The following NEURL1B variants were observed in gnomAD, a reference collection of about 807,000 sequenced individuals.
NEURL1B encodes the protein E3 ubiquitin-protein ligase NEURL1B.
NEURL1B carries 13 observed loss-of-function variants against 37.4 expected under a neutral mutation model. The ratio of observed to expected loss-of-function variants is 0.35; its 90% CI spans 0.23 to 0.55. The LOEUF (loss-of-function observed/expected upper bound fraction) is 0.55. NEURL1B is among the 20% of genes least tolerant of loss of function. The pLI is 0.89. For missense variants in NEURL1B, 790 were observed against 879.2 expected, an observed-to-expected ratio of 0.90 and a Z score of 1.28; for synonymous variants, 432 against 426.6, an observed-to-expected ratio of 1.01 and a Z score of -0.16.
chr5:172,686,824 C>T lies in NEURL1B; in HGVS notation c.1567C>T (p.Leu523=), dbSNP rs1032651937. 1.1e-5 allele frequency: 17 copies of T among 1,551,656 alleles called. No individual in the cohort carries two copies. In the African/African-American group the frequency reaches 1.8e-4, roughly 16 times the overall value. The change falls in exon 5 of 5, where the codon CTG becomes TTG. Residue 523 remains leucine (L), a synonymous_variant. Coordinates refer to ENST00000369800, the MANE Select transcript of NEURL1B (RefSeq NM_001142651.3). The surrounding 1 kb of genome is among the most constrained non-coding windows in gnomAD (Gnocchi z 7.9). ...CATCTACACGTGTGGACACATGTGC[C>T]TGTGCCACAGCTGCGGCCTGCGGCT... is the stretch of plus-strand genomic sequence containing the variant. The part of the protein sequence containing the change: ...TVIYTCGHMC[L]CHSCGLRLKR...
At chr5:172,681,687 T>A (rs1758356573) in intron 2 of NEURL1B, among the ~76,000 whole-genome samples, 1 of 152,226 alleles carries the variant, frequency 6.6e-6, no homozygotes, top group South Asian at 2.1e-4. Context: ...ATAAATCCAG[T>A]TTAAGTGAAA....
chr5:172,677,172 G>A (rs1209400403), intron 2 of NEURL1B, among the ~76,000 whole-genome samples: 2 of 152,110 alleles, frequency 1.3e-5, no homozygotes, highest in East Asian at 1.9e-4. Flanking sequence ...GGAGCCACGC[G>A]GAGTCATTAG....
chr5:172,646,345 TG>T (rs1327819815), intron 1 of NEURL1B, among the ~76,000 whole-genome samples: 1 of 152,186 alleles, frequency 6.6e-6, no homozygotes, highest in African/African-American at 2.4e-5. Context: ...ATGCCCAGGA[TG>T]GTAGCCATCA....
Position 172,670,200 on chromosome 5 carries a change from C to G in NEURL1B, c.447C>G (p.Asp149Glu). 6.9e-7 allele frequency: 1 copy of G among 1,457,482 alleles called. No individual in the cohort carries two copies. Among genetic ancestry groups the G allele is most frequent in the Non-Finnish European group, 9.0e-7 (1 of 1,108,742 alleles). 90.3% of individuals were successfully genotyped at this position (1,457,482 alleles called of 1,614,324 possible). A position where few individuals can be genotyped will look rare whatever the true frequency, so the allele number is the denominator to read the frequency against. The part of the protein sequence containing the change: ...LRDTVLAYWA[D>E]RHGRVFYSVN... ...ACACGGTGCTGGCCTACTGGGCCGA[C>G]CGCCACGGCCGCGTGTTCTACAGCG... Residue 149 changes from aspartate to glutamate, a missense_variant, in exon 2 of 5, where the codon GAC (aspartate) becomes GAG (glutamate). Coordinates refer to ENST00000369800, the MANE Select transcript of NEURL1B (RefSeq NM_001142651.3).
At chr5:172,684,259 C>G in intron 3 of NEURL1B, 121 bp downstream of exon 3, 7 of 896,628 alleles carry the variant, frequency 7.8e-6, no homozygotes, top group Non-Finnish European at 1.0e-5. Context: ...CCGAGGCCAG[C>G]CCGCGGTTCC....
intron 2 of NEURL1B, among the ~76,000 whole-genome samples, chr5:172,679,871 A>T (rs1325561629): frequency 6.6e-6 from 1 of 152,110 alleles, no homozygotes; most frequent in Non-Finnish European, 1.5e-5. Flanking sequence ...ATACACCCTC[A>T]GAGAATCCCA....
chr5:172,683,552 G>A lies in NEURL1B; in HGVS notation c.711G>A (p.Lys237=). The A allele has an allele frequency of 6.8e-7, 1 of 1,480,694 alleles. No homozygotes were observed. The highest frequency in any genetic ancestry group is 8.9e-7 in the Non-Finnish European group (1 of 1,118,654). 91.7% of individuals were successfully genotyped at this position (1,480,694 alleles called of 1,614,324 possible). ...TCGAGAACAACCAGGTGGTGGCCAA[G>A]CTGGGCCACCTGGCGCTGGGCCGCG... is the stretch of plus-strand genomic sequence containing the variant. ...NELENNQVVA[K]LGHLALGRAP... is the part of the protein sequence containing the mutation. Residue 237 remains lysine (K), a synonymous_variant, in exon 3 of 5, where the codon AAG becomes AAA. Transcript: ENST00000369800. The surrounding 1 kb of genome is among the most constrained non-coding windows in gnomAD (Gnocchi z 5.6).
chr5:172,667,154 C>A (rs1758030482), intron 1 of NEURL1B, among the ~76,000 whole-genome samples: 1 of 151,614 alleles, frequency 6.6e-6, no homozygotes, highest in Non-Finnish European at 1.5e-5. Context: ...AACCAAAAGG[C>A]CAGCTGGGCA....
chr5:172,682,564 G>A (rs756351118), intron 2 of NEURL1B, among the ~76,000 whole-genome samples: 1 of 152,108 alleles, frequency 6.6e-6, no homozygotes, highest in East Asian at 1.9e-4. Context: ...TGACAAGAGC[G>A]GAACTCTATC....
At chr5:172,660,301 T>G (rs944861399) in intron 1 of NEURL1B, among the ~76,000 whole-genome samples, 5 of 152,052 alleles carry the variant, frequency 3.3e-5, no homozygotes, top group African/African-American at 4.8e-5. Flanking sequence ...TGAGGGGGCG[T>G]CGGGATGACC....
rs1323417736 is a variant in NEURL1B at position 172,676,036 on chromosome 5, C to T, written c.577+5706C>T. Among the ~76,000 whole-genome samples the T allele has an allele frequency of 2.6e-5, 4 of 151,700 alleles. No homozygotes were observed. The highest frequency in any genetic ancestry group is 5.9e-5 in the Non-Finnish European group (4 of 67,996). On this transcript the variant is annotated intron_variant, in intron 2 of 4. Coordinates refer to ENST00000369800, the MANE Select transcript of NEURL1B (RefSeq NM_001142651.3). This position sits in a 1 kb window ranked among gnomAD's most constrained non-coding sequence, Gnocchi z 4.5. ...CCCTGCTGTCCTTCCTTTGCCCAGT[C>T]GTGGGAAGCTGGTCAGATTGAAAAA...
Position 172,657,688 on chromosome 5 carries a change from G to A in NEURL1B, c.32-12097G>A, listed in dbSNP as rs1175297762. 6.6e-6 allele frequency among the ~76,000 whole-genome samples: 1 copy of A among 152,014 alleles called. No homozygotes were observed. Among genetic ancestry groups the A allele is most frequent in the African/African-American group, 2.4e-5 (1 of 41,396 alleles). On this transcript the variant is annotated intron_variant, in intron 1 of 4. Transcript: ENST00000369800. The surrounding 1 kb of genome is among the most constrained non-coding windows in gnomAD (Gnocchi z 4.0). ...CTGGGAAGGCACCTGTTACTTAGCC[G>A]ACCACGAAAGGGAGTCTCCTTTCCT...
Position 172,669,793 on chromosome 5 carries a change from C to T in NEURL1B, c.40C>T (p.Pro14Ser), listed in dbSNP as rs1554098274. ...CCTGTGTCTTTCCGCAGACCCGAGC[C>T]CACCGGCGCGCCTCCTGGCCACCCG... ...TVHRTLPDPS[P>S]PARLLATRPC... The change falls in exon 2 of 5, where the codon CCA (proline) becomes TCA (serine). Residue 14 changes from proline to serine, a missense_variant. Physicochemically the swap from Pro to Ser is moderately conservative, Grantham distance 74. This residue lies in a region of NEURL1B where 215 missense variants were observed against 309.2 expected (regional missense o/e 0.70). Coordinates refer to ENST00000369800, the MANE Select transcript of NEURL1B (RefSeq NM_001142651.3). The T allele has an allele frequency of 2.4e-6, 3 of 1,268,940 alleles. No individual in the cohort carries two copies. The highest frequency in any genetic ancestry group is 3.0e-6 in the Non-Finnish European group (3 of 999,448). The allele number at this position is 1,268,940 out of a possible 1,614,324, so 78.6% of individuals were successfully genotyped here.
Position 172,641,492 on chromosome 5 carries a change from G to C in NEURL1B, c.31+55G>C. 1.6e-6 allele frequency: 2 copies of C among 1,244,300 alleles called. No individual in the cohort carries two copies. The highest frequency in any genetic ancestry group is 2.0e-6 in the Non-Finnish European group (2 of 991,066). The allele number at this position is 1,244,300 out of a possible 1,614,324, so 77.1% of individuals were successfully genotyped here. ...GGCGCCGGGCTTCTCTCCTCCGGGG[G>C]ACCCGCTGGGTGACTCTGGAGAGCT... On this transcript the variant is annotated intron_variant, in intron 1 of 4. Coordinates refer to ENST00000369800, the MANE Select transcript of NEURL1B (RefSeq NM_001142651.3). The surrounding 1 kb of genome is among the most constrained non-coding windows in gnomAD (Gnocchi z 6.4).
At chr5:172,685,733 C>T (rs896696746) in intron 3 of NEURL1B, among the ~76,000 whole-genome samples, 4 of 152,208 alleles carry the variant, frequency 2.6e-5, no homozygotes, top group East Asian at 1.9e-4. Flanking sequence ...GCCTTTGCCA[C>T]GGGTTGGCTC....
At chr5:172,659,518 C>G (rs1451090219) in intron 1 of NEURL1B, among the ~76,000 whole-genome samples, 1 of 152,192 alleles carries the variant, frequency 6.6e-6, no homozygotes, top group Admixed American at 6.5e-5. Context: ...CATTCAAAAC[C>G]TGGACTGTTT....
rs140106730 is a variant in NEURL1B, at chr5:172,664,498, G to A, written c.32-5287G>A. Among the ~76,000 whole-genome samples, 169 of 152,120 alleles carry A rather than the reference G, an allele frequency of 1.1e-3. 1 individual carries two copies. Among genetic ancestry groups the A allele is most frequent in the African/African-American group, 4.0e-3 (164 of 41,494 alleles). ...GGGAGAGGCAGCGGGTGGGGGGGAC[G>A]GGTAGATTTTTCTCCTCTTTTCTGA... On this transcript the variant is annotated intron_variant, in intron 1 of 4. Transcript: ENST00000369800.
intron 1 of NEURL1B, among the ~76,000 whole-genome samples, chr5:172,660,977 T>C (rs1276759788): frequency 6.6e-6 from 1 of 152,060 alleles, no homozygotes; most frequent in African/African-American, 2.4e-5. Context: ...CAATGGAAAA[T>C]GGAACTTTGT....
rs1260681632 is a variant in NEURL1B, at chr5:172,663,836, T to TTAC, written c.32-5947_32-5946insCTA. Among the ~76,000 whole-genome samples the TTAC allele has an allele frequency of 1.1e-3, 166 of 147,938 alleles. 4 individuals carry two copies. Among genetic ancestry groups the TTAC allele is most frequent in the Non-Finnish European group, 2.1e-4 (14 of 67,074 alleles). ...CAAAAGAGGTTTTATTTGTTTATTA[T>TTAC]TATTATTATTATTATTATTATTTAC... On this transcript the variant is annotated intron_variant, in intron 1 of 4. Transcript: ENST00000369800.
Sources: allele counts gnomAD v4.1 joint callset (sites outside exome capture counted in the v4.1 genomes callset), GRCh38; gene constraint gnomAD v4.1.1; regional missense constraint gnomAD v4.1.1; non-coding constraint Gnocchi (gnomAD v3.1); transcripts MANE v1.5; gene names NCBI Gene and HGNC (gene_info 2026-07-23, HGNC 2026-07-21).